The following KCNH5 variants were observed in gnomAD, a reference collection of about 807,000 sequenced individuals.
The protein encoded by KCNH5 is potassium voltage-gated channel subfamily H member 5, also known as voltage-gated delayed rectifier potassium channel KCNH5.
Under a neutral mutation model 96.1 loss-of-function variants are expected in KCNH5, and 46 were observed. The observed-to-expected ratio is 0.48, with a 90% CI of 0.38 to 0.61. KCNH5 has a LOEUF of 0.61. Among genes scored for constraint, KCNH5 ranks in the 20% least tolerant of loss-of-function variants. The probability of loss-of-function intolerance (pLI) is 0.00; values close to 1 mark genes in which losing one functional copy is unlikely to be tolerated. For missense variants in KCNH5, 907 were observed against 1,225.8 expected (o/e 0.74, Z 3.88); for synonymous variants, 439 against 449.8 (o/e 0.98, Z 0.30).
At chr14:62,948,052 C>T (rs1206921953) in intron 7 of KCNH5, among the ~76,000 whole-genome samples, 2 of 151,888 alleles carry the variant, frequency 1.3e-5, no homozygotes, top group African/African-American at 4.8e-5. Context: ...TGTTCAATTC[C>T]CACCTATGAG....
At chr14:62,999,386 T>G (rs1263560841) in intron 4 of KCNH5, among the ~76,000 whole-genome samples, 1 of 152,182 alleles carries the variant, frequency 6.6e-6, no homozygotes, top group Non-Finnish European at 1.5e-5. Flanking sequence ...TGGGGTTGTT[T>G]GTTTTTTTCT....
chr14:62,780,562 C>T (rs1886189565), intron 9 of KCNH5, among the ~76,000 whole-genome samples: 1 of 152,108 alleles, frequency 6.6e-6, no homozygotes, highest in South Asian at 2.1e-4. Context: ...AATGTATTAT[C>T]CCATGAACAG....
chr14:62,765,568 C>A (rs1321846966), intron 10 of KCNH5, among the ~76,000 whole-genome samples: 1 of 152,118 alleles, frequency 6.6e-6, no homozygotes. Context: ...AAACTATCAA[C>A]AGAGTAAACA....
intron 7 of KCNH5, among the ~76,000 whole-genome samples, 174 bp from the exon 8 acceptor site, chr14:62,850,026 C>A (rs532365283): frequency 1.4e-4 from 21 of 152,222 alleles, no homozygotes; most frequent in Non-Finnish European, 2.5e-4. Context: ...GAAAACATTA[C>A]CTGCAGTAGG....
intron 8 of KCNH5, among the ~76,000 whole-genome samples, chr14:62,827,456 G>A (rs964419371): frequency 2.0e-5 from 3 of 152,092 alleles, no homozygotes; most frequent in African/African-American, 4.8e-5. Flanking sequence ...CAGAATCATC[G>A]AAGTAAGTCT....
chr14:62,744,381 G>A lies in KCNH5; in HGVS notation c.2019+35347C>T, dbSNP rs965065197. Among the ~76,000 whole-genome samples the A allele has an allele frequency of 2.6e-5, 4 of 152,122 alleles. No homozygotes were observed. The South Asian group carries it at 6.2e-4, about 24-fold the overall frequency. ...TTAAACAGATTTCTAAACTGTAAGAGCTTCAGAAGTGTCAGATATTATAAT... is the reference window on the plus strand; with the variant it reads ...TTAAACAGATTTCTAAACTGTAAGAACTTCAGAAGTGTCAGATATTATAAT... On this transcript the variant is annotated intron_variant, in intron 10 of 10. Coordinates refer to ENST00000322893, the MANE Select transcript of KCNH5 (RefSeq NM_139318.5).
chr14:62,859,238 G>C (rs374561468), intron 7 of KCNH5, among the ~76,000 whole-genome samples: 11 of 152,156 alleles, frequency 7.2e-5, no homozygotes, highest in African/African-American at 2.4e-4. Flanking sequence ...CCATATCGAG[G>C]GCTCGGTGTT....
At chr14:62,884,483 A>G (rs1392988681) in intron 7 of KCNH5, among the ~76,000 whole-genome samples, 2 of 152,182 alleles carry the variant, frequency 1.3e-5, no homozygotes, top group Non-Finnish European at 2.9e-5. Flanking sequence ...AAAATTAGCC[A>G]GGTGTGGCAG....
intron 7 of KCNH5, among the ~76,000 whole-genome samples, chr14:62,890,287 AACAG>A (rs1231628000): frequency 3.9e-5 from 6 of 152,216 alleles, no homozygotes; most frequent in African/African-American, 1.4e-4. Context: ...CAATAGAGTA[AACAG>A]ACAGCCTACA....
intron 9 of KCNH5, among the ~76,000 whole-genome samples, chr14:62,781,205 T>A (rs559335168): frequency 7.5e-4 from 114 of 152,118 alleles, no homozygotes; most frequent in Non-Finnish European, 1.3e-3. Flanking sequence ...AACCAGCAAG[T>A]TTTTATTAGG....
At chr14:62,715,477 C>T (rs992614679) in intron 10 of KCNH5, among the ~76,000 whole-genome samples, 2 of 152,134 alleles carry the variant, frequency 1.3e-5, no homozygotes, top group Non-Finnish European at 2.9e-5. Context: ...TCCATGACAA[C>T]GTGAACTAAT....
At chr14:62,872,445 C>T (rs1315164012) in intron 7 of KCNH5, among the ~76,000 whole-genome samples, 1 of 152,180 alleles carries the variant, frequency 6.6e-6, no homozygotes, top group Admixed American at 6.5e-5. Flanking sequence ...AATTCCAGGA[C>T]TTTGGGAGGC....
intron 10 of KCNH5, among the ~76,000 whole-genome samples, chr14:62,760,140 C>A (rs980203020): frequency 2.0e-5 from 3 of 152,176 alleles, no homozygotes; most frequent in African/African-American, 7.2e-5. Context: ...GCACAGGAGA[C>A]TCTCTGCTGT....
chr14:62,774,217 C>T (rs2139969512), intron 10 of KCNH5, among the ~76,000 whole-genome samples: 1 of 152,228 alleles, frequency 6.6e-6, no homozygotes, highest in African/African-American at 2.4e-5. Flanking sequence ...GGACTTGGTG[C>T]TTCTGGTTTT....
chr14:62,872,877 G>A (rs933612355), intron 7 of KCNH5, among the ~76,000 whole-genome samples: 4 of 151,904 alleles, frequency 2.6e-5, no homozygotes, highest in African/African-American at 4.8e-5. Context: ...GAAAAAAGAA[G>A]AGAAGGCTCC....
At chr14:62,899,519 C>G (rs914123800) in intron 7 of KCNH5, among the ~76,000 whole-genome samples, 1 of 152,124 alleles carries the variant, frequency 6.6e-6, no homozygotes, top group Admixed American at 6.5e-5. Context: ...TGACTTTTTA[C>G]CCCATAAATC....
intron 6 of KCNH5, among the ~76,000 whole-genome samples, chr14:62,955,891 G>T (rs930459870): frequency 6.6e-6 from 1 of 152,078 alleles, no homozygotes; most frequent in Non-Finnish European, 1.5e-5. Context: ...CAGGTTGAAC[G>T]AATCGTCCAA....
At chr14:62,843,725 A>C (rs1388128068) in intron 8 of KCNH5, among the ~76,000 whole-genome samples, 1 of 152,020 alleles carries the variant, frequency 6.6e-6, no homozygotes, top group African/African-American at 2.4e-5. Context: ...ATGGCTTTTA[A>C]ATACAGCACA....
At chr14:62,805,102 CACAA>C (rs1886739007) in intron 8 of KCNH5, among the ~76,000 whole-genome samples, 1 of 152,136 alleles carries the variant, frequency 6.6e-6, no homozygotes, top group South Asian at 2.1e-4. Context: ...TACACACATA[CACAA>C]ACATTACACT....
Sources: allele counts gnomAD v4.1 joint callset (sites outside exome capture counted in the v4.1 genomes callset), GRCh38; gene constraint gnomAD v4.1.1; transcripts MANE v1.5; gene names NCBI Gene and HGNC (gene_info 2026-07-23, HGNC 2026-07-21).